The following IFT172 variants were observed in gnomAD, a reference collection of about 807,000 sequenced individuals.
IFT172 encodes the protein intraflagellar transport 172.
IFT172 carries 164 observed loss-of-function variants against 248.9 expected under a neutral mutation model. The ratio of observed to expected loss-of-function variants is 0.66; its 90% CI spans 0.58 to 0.75. The LOEUF is 0.75. Among genes scored for constraint, IFT172 ranks in the 30% least tolerant of loss-of-function variants. The probability of loss-of-function intolerance (pLI) is 0.00; values close to 1 mark genes in which losing one functional copy is unlikely to be tolerated. For synonymous variants in IFT172, 729 were observed against 791.6 expected (o/e 0.92, Z 1.33); for missense variants, 1,950 against 2,192.4 (o/e 0.89, Z 2.21).
chr2:27,472,464 C>T, intron 14 of IFT172, 102 bp from the exon 15 acceptor site: 1 of 853,476 alleles, frequency 1.2e-6, no homozygotes, highest in East Asian at 2.4e-5. Context: ...AGCTAGGTCT[C>T]TTTTAGAATT....
rs747734190 is a variant in IFT172 at position 27,485,509 on chromosome 2, G to C, written c.40-6C>G. The C allele has an allele frequency of 1.5e-5, 24 of 1,613,812 alleles. No individual in the cohort carries two copies. The highest frequency in any genetic ancestry group is 1.9e-5 in the Non-Finnish European group (22 of 1,179,872). On this transcript the variant is annotated splice_region_variant and splice_polypyrimidine_tract_variant and intron_variant, in intron 1 of 47. Transcript: ENST00000260570. ...GTCACCTTTGCAGCTCCATCCTGTA[G>C]AGGCAAAGGGGTAAAAACAAACCCA...
At position 27,463,167 on chromosome 2, in the gene IFT172, A is replaced by G; in HGVS notation, c.1952T>C (p.Leu651Ser). ...GAATCGAGCTTTTGCTACTTGGCCC[A>G]AAGCAGAAAAGCACCTATGGCATGG... ...LHIAERCFSA[L>S]GQVAKARFLH... Residue 651 changes from leucine to serine, a missense_variant, in exon 19 of 48, where the codon TTG becomes TCG. Physicochemically the swap from Leu to Ser is moderately radical, Grantham distance 145. Coordinates refer to ENST00000260570, the MANE Select transcript of IFT172 (RefSeq NM_015662.3). 6.2e-7 allele frequency: 1 copy of G among 1,614,150 alleles called. No homozygotes were observed. The highest frequency in any genetic ancestry group is 8.5e-7 in the Non-Finnish European group (1 of 1,180,006).
chr2:27,472,261 G>C lies in IFT172; in HGVS notation c.1513C>G (p.Arg505Gly), dbSNP rs779152335. The part of the protein sequence containing the change: ...ETGHKLLFRD[R>G]KLRLHLYDIE... ...GTAGCTCTTCTCACACGAAGTTTCC[G>C]GTCCCTGAAGAGGAGCTTGTGTCCA... is the stretch of plus-strand genomic sequence containing the variant. Residue 505 changes from arginine (R) to glycine (G), a missense_variant, in exon 15 of 48, where the codon CGG becomes GGG. By Grantham distance (125) the Arg-to-Gly change is moderately radical. Transcript: ENST00000260570. 2.5e-6 allele frequency: 4 copies of C among 1,613,554 alleles called. No homozygotes were observed. Among genetic ancestry groups the C allele is most frequent in the Non-Finnish European group, 3.4e-6 (4 of 1,179,546 alleles).
chr2:27,454,621 G>C lies in IFT172; in HGVS notation c.3411C>G (p.Leu1137=). ...EFAFELSRLA[L]KHKTPEVHLK... is the part of the protein sequence containing the mutation. ...GATGAACCTCGGGGGTTTTGTGCTTGAGGGCCAGCCGAGAGAGTTCAAACG... is the reference window on the plus strand; with the variant it reads ...GATGAACCTCGGGGGTTTTGTGCTTCAGGGCCAGCCGAGAGAGTTCAAACG... Residue 1137 remains leucine, a synonymous_variant, in exon 31 of 48, where the codon CTC becomes CTG. Coordinates refer to ENST00000260570, the MANE Select transcript of IFT172 (RefSeq NM_015662.3). This position sits in a 1 kb window ranked among gnomAD's most constrained non-coding sequence, Gnocchi z 4.2. The C allele has an allele frequency of 6.2e-7, 1 of 1,614,128 alleles. No homozygotes were observed. The highest frequency in any genetic ancestry group is 8.5e-7 in the Non-Finnish European group (1 of 1,180,016).
At position 27,467,613 on chromosome 2, in the gene IFT172, C is replaced by CAAA. The variant is rs758559563; in HGVS notation, c.1693-1734_1693-1732dup. On this transcript the variant is annotated intron_variant, in intron 16 of 47. Coordinates refer to ENST00000260570, the MANE Select transcript of IFT172 (RefSeq NM_015662.3). ...GCGCAACAGAATGAGACCCTGTCTC[C>CAAA]AAAAAAAAAAAAAAAAAAAAAAAGG... 1.9e-3 allele frequency among the ~76,000 whole-genome samples: 99 copies of CAAA among 53,128 alleles called. 2 individuals are homozygous for CAAA. Among genetic ancestry groups the CAAA allele is most frequent in the African/African-American group, 6.5e-3 (84 of 12,828 alleles). The allele number at this position is 53,128 out of a possible 152,430, so 34.9% of individuals were successfully genotyped here.
At chr2:27,476,539 C>T (rs565128052) in intron 14 of IFT172, 102 bp downstream of exon 14, 39 of 705,546 alleles carry the variant, frequency 5.5e-5, no homozygotes, top group African/African-American at 3.9e-4. Context: ...TTACCTGGTG[C>T]GTCTCAGATT....
At chr2:27,451,265 C>A (rs913780343) in intron 35 of IFT172, among the ~76,000 whole-genome samples, 2 of 152,164 alleles carry the variant, frequency 1.3e-5, no homozygotes, top group Admixed American at 1.3e-4. Flanking sequence ...CTGCCAAGCC[C>A]TTCAAAGCTT....
At position 27,445,217 on chromosome 2, in the gene IFT172, G is replaced by T; in HGVS notation, c.5068+79C>A. The T allele has an allele frequency of 6.3e-7, 1 of 1,579,260 alleles. No homozygotes were observed. Among genetic ancestry groups the T allele is most frequent in the Non-Finnish European group, 8.6e-7 (1 of 1,159,846 alleles). Reference sequence around the variant, plus strand: ...AGTCCTGTCTTTTGTACCCTTTACTGAATCCTAGTAAAATTAAGTTTATTG... The same window carrying T: ...AGTCCTGTCTTTTGTACCCTTTACTTAATCCTAGTAAAATTAAGTTTATTG... On this transcript the variant is annotated intron_variant, in intron 46 of 47. Transcript: ENST00000260570. This position sits in a 1 kb window ranked among gnomAD's most constrained non-coding sequence, Gnocchi z 4.4.
chr2:27,463,279 TGCCA>T (rs1666824896), intron 18 of IFT172, 98 bp from the exon 19 acceptor site: 1 of 1,114,200 alleles, frequency 9.0e-7, no homozygotes. Flanking sequence ...ATCTATGATG[TGCCA>T]GCCAATGTCT....
intron 1 of IFT172, among the ~76,000 whole-genome samples, chr2:27,487,774 G>A (rs1210227014): frequency 6.6e-6 from 1 of 151,960 alleles, no homozygotes; most frequent in Non-Finnish European, 1.5e-5. Context: ...TGTATTTTTA[G>A]TAGTTTCACC....
chr2:27,471,804 C>T, intron 15 of IFT172: 1 of 203,034 alleles, frequency 4.9e-6, no homozygotes, highest in Non-Finnish European at 9.9e-6. Flanking sequence ...CAGAGGCAGG[C>T]AGATCACCTG....
Position 27,458,737 on chromosome 2 carries a change from C to T in IFT172, c.2877+42G>A, listed in dbSNP as rs750766767. ...ATCAAGGAATGAGGCCACAATGCCA[C>T]TAAGGCAGAGTTCTCTTATCATGAA... On this transcript the variant is annotated intron_variant, in intron 26 of 47. Transcript: ENST00000260570. The T allele has an allele frequency of 1.9e-5, 31 of 1,606,116 alleles. No individual in the cohort carries two copies. In the South Asian group the frequency reaches 3.3e-4, roughly 17 times the overall value.
intron 37 of IFT172, 45 bp downstream of exon 37, chr2:27,449,646 G>C (rs1287005444): frequency 6.2e-7 from 1 of 1,610,066 alleles, no homozygotes; most frequent in Non-Finnish European, 8.5e-7. Context: ...CTTTACAAAA[G>C]GAAGTAAAAG....
intron 33 of IFT172, 51 bp downstream of exon 33, chr2:27,453,931 G>A: frequency 1.9e-6 from 3 of 1,551,628 alleles, no homozygotes; most frequent in Non-Finnish European, 2.6e-6. Context: ...CTCTCTGTGG[G>A]CTCTTACAAA....
chr2:27,447,746 AG>A, intron 41 of IFT172, 65 bp downstream of exon 41: 1 of 1,601,430 alleles, frequency 6.2e-7, no homozygotes, highest in Non-Finnish European at 8.6e-7. Flanking sequence ...CTGAGAATAA[AG>A]GTTTATGTGC....
At chr2:27,487,616 CAG>C (rs1203119737) in intron 1 of IFT172, among the ~76,000 whole-genome samples, 5 of 152,104 alleles carry the variant, frequency 3.3e-5, no homozygotes, top group African/African-American at 1.2e-4. Flanking sequence ...TTTTTTGAGG[CAG>C]AGTCTCGCTC....
chr2:27,458,891 A>G (rs752011219), intron 25 of IFT172, 23 bp from the exon 26 acceptor site: 4 of 1,613,038 alleles, frequency 2.5e-6, no homozygotes, highest in East Asian at 2.2e-5. Context: ...GGAGGTAGAT[A>G]CAAAAGGTCA....
chr2:27,457,032 GA>G (rs1666219798), intron 29 of IFT172, among the ~76,000 whole-genome samples: 2 of 152,050 alleles, frequency 1.3e-5, no homozygotes, highest in South Asian at 4.1e-4. Context: ...GTGACAGAGC[GA>G]AACTCCATCT....
At position 27,454,334 on chromosome 2, in the gene IFT172, G is replaced by A; in HGVS notation, c.3530+20C>T. 6.2e-7 allele frequency: 1 copy of A among 1,613,938 alleles called. No individual in the cohort carries two copies. The highest frequency in any genetic ancestry group is 8.5e-7 in the Non-Finnish European group (1 of 1,179,846). On this transcript the variant is annotated intron_variant, in intron 32 of 47. Coordinates refer to ENST00000260570, the MANE Select transcript of IFT172 (RefSeq NM_015662.3). This position sits in a 1 kb window ranked among gnomAD's most constrained non-coding sequence, Gnocchi z 4.2. ...CGGTGACTGGGGAAACAGTATTAAG[G>A]AATGTATGGGGTAACTCACATGAGG...
Sources: allele counts gnomAD v4.1 joint callset (sites outside exome capture counted in the v4.1 genomes callset), GRCh38; gene constraint gnomAD v4.1.1; non-coding constraint Gnocchi (gnomAD v3.1); transcripts MANE v1.5; gene names NCBI Gene and HGNC (gene_info 2026-07-23, HGNC 2026-07-21).